The following KAT14 variants were observed in gnomAD, a reference collection of about 807,000 sequenced individuals.
KAT14 encodes lysine acetyltransferase 14, also known as cysteine-rich protein 2-binding protein.
A neutral mutation model predicts 78.4 loss-of-function variants in KAT14; 66 were observed. The observed-to-expected ratio is 0.84, with a 90% CI of 0.69 to 1.03. KAT14 has a LOEUF of 1.03. Among genes scored for constraint, KAT14 ranks in the 50% least tolerant of loss-of-function variants. The pLI, the probability that KAT14 is intolerant of heterozygous loss-of-function variation, is 0.00. For missense variants in KAT14, 870 were observed against 972.5 expected (o/e 0.89, Z 1.40); for synonymous variants, 344 against 359.4 (o/e 0.96, Z 0.48).
intron 7 of KAT14, among the ~76,000 whole-genome samples, chr20:18,181,087 G>T (rs1186129080): frequency 6.6e-6 from 1 of 152,130 alleles, no homozygotes; most frequent in Non-Finnish European, 1.5e-5. Context: ...ACAAAGTGAA[G>T]CCTAGAGAAG....
chr20:18,157,936 C>G (rs929945783), intron 4 of KAT14, among the ~76,000 whole-genome samples: 1 of 152,098 alleles, frequency 6.6e-6, no homozygotes, highest in Non-Finnish European at 1.5e-5. Context: ...TTCTCTCCAT[C>G]TCAGATAGTG....
chr20:18,144,964 C>T, intron 2 of KAT14: 1 of 674,784 alleles, frequency 1.5e-6, no homozygotes, highest in Non-Finnish European at 2.0e-6. Context: ...AGGAATGTGA[C>T]AATTGGGAAA....
chr20:18,187,232 A>G, intron 10 of KAT14, 54 bp from the exon 11 acceptor site: 2 of 1,538,722 alleles, frequency 1.3e-6, no homozygotes, highest in South Asian at 1.3e-5. Context: ...TTACCTACTC[A>G]TTTTCCCTCA....
At chr20:18,158,183 G>A (rs1232610379) in intron 4 of KAT14, among the ~76,000 whole-genome samples, 3 of 152,156 alleles carry the variant, frequency 2.0e-5, no homozygotes, top group African/African-American at 4.8e-5. Context: ...TGATCCACCC[G>A]CCTCGGCCTC....
chr20:18,140,996 C>T (rs1056487059), intron 1 of KAT14, among the ~76,000 whole-genome samples: 18 of 142,614 alleles, frequency 1.3e-4, no homozygotes, highest in Non-Finnish European at 2.4e-4. Flanking sequence ...TAGCTGGGAA[C>T]ACAGGCACAC....
At chr20:18,154,844 GGTA>G (rs2038168350) in intron 4 of KAT14, among the ~76,000 whole-genome samples, 1 of 152,072 alleles carries the variant, frequency 6.6e-6, no homozygotes, top group Non-Finnish European at 1.5e-5. Flanking sequence ...AGTAAAATAT[GGTA>G]GTAGAAGAAA....
intron 4 of KAT14, among the ~76,000 whole-genome samples, chr20:18,155,706 C>G (rs1297926350): frequency 6.6e-6 from 1 of 152,188 alleles, no homozygotes; most frequent in Non-Finnish European, 1.5e-5. Context: ...CCTCATGCCT[C>G]TTAGGATGAC....
Position 18,137,937 on chromosome 20 carries a change from C to A in KAT14, c.-568C>A. 4 of 1,478,260 alleles carry A rather than the reference C, an allele frequency of 2.7e-6. No individual in the cohort carries two copies. Among genetic ancestry groups the A allele is most frequent in the South Asian group, 1.3e-5 (1 of 78,500 alleles). 91.6% of individuals were successfully genotyped at this position (1,478,260 alleles called of 1,614,324 possible). A position where few individuals can be genotyped will look rare whatever the true frequency, so the allele number is the denominator to read the frequency against. Reference sequence around the variant, plus strand: ...CCTCGGGCGGGCGGGAGAGAGAGGCCGCGGCCGCCAGCGTGGGGATGTCTA... The same window carrying A: ...CCTCGGGCGGGCGGGAGAGAGAGGCAGCGGCCGCCAGCGTGGGGATGTCTA... On this transcript the variant is annotated 5_prime_UTR_variant, in exon 1 of 11. Transcript: ENST00000688188.
At chr20:18,144,797 G>A (rs1205218) in intron 2 of KAT14, among the ~76,000 whole-genome samples, 149,705 of 152,340 alleles carry the variant, frequency 0.98, 73,562 homozygotes, top group East Asian at 1. Flanking sequence ...GTGATCACCT[G>A]TTTTCTATGC....
chr20:18,138,505 G>T, intron 1 of KAT14: 1 of 974,004 alleles, frequency 1.0e-6, no homozygotes, highest in Non-Finnish European at 1.2e-6. Context: ...CTGGCCCAAG[G>T]TTGGGGTTAA....
chr20:18,147,371 T>G (rs2037866291), intron 3 of KAT14, among the ~76,000 whole-genome samples: 1 of 152,212 alleles, frequency 6.6e-6, no homozygotes, highest in Admixed American at 6.5e-5. Context: ...ATTAATAGAT[T>G]ATTGTGATAT....
rs368339859 is a variant in KAT14, at chr20:18,159,214, A to G, written c.631A>G (p.Thr211Ala). The G allele has an allele frequency of 8.7e-6, 14 of 1,614,090 alleles. No homozygotes were observed. In the South Asian group the frequency reaches 9.9e-5, roughly 11 times the overall value. Residue 211 changes from threonine (T) to alanine (A), a missense_variant, in exon 5 of 11, where the codon ACG becomes GCG. Thr to Ala is a moderately conservative substitution (Grantham distance 58). Coordinates refer to ENST00000688188, the MANE Select transcript of KAT14 (RefSeq NM_001392073.1). ...GAAACTTGTTCATAACAAGCCCCCA[A>G]CGATGAAACCTGAAGGAGAGAAGTT... ...WWKLVHNKPP[T>A]MKPEGEKLSA...
chr20:18,177,264 C>T (rs1348261410), intron 7 of KAT14, among the ~76,000 whole-genome samples: 1 of 152,144 alleles, frequency 6.6e-6, no homozygotes, highest in Non-Finnish European at 1.5e-5. Context: ...CTCTCTTCCT[C>T]CAGAGTCCAT....
At chr20:18,138,328 C>T in intron 1 of KAT14, 1 of 1,139,522 alleles carries the variant, frequency 8.8e-7, no homozygotes, top group Non-Finnish European at 1.1e-6. Flanking sequence ...GGGCCTTGCT[C>T]CGCACAGGCA....
chr20:18,137,888 G>T lies in KAT14; in HGVS notation c.-617G>T. The T allele has an allele frequency of 2.1e-6, 3 of 1,411,850 alleles. No individual in the cohort carries two copies. In the South Asian group the frequency reaches 4.3e-5, roughly 20 times the overall value. 87.5% of individuals were successfully genotyped at this position (1,411,850 alleles called of 1,614,324 possible). On this transcript the variant is annotated 5_prime_UTR_variant, in exon 1 of 11. Coordinates refer to ENST00000688188, the MANE Select transcript of KAT14 (RefSeq NM_001392073.1). ...GAGCCTGGGCAGTACAGGCGGCGGT[G>T]CGCACTCTGCGGCGGCCTCTGCGCC...
chr20:18,171,884 A>C (rs896497248), intron 7 of KAT14, among the ~76,000 whole-genome samples: 2 of 152,144 alleles, frequency 1.3e-5, no homozygotes, highest in African/African-American at 4.8e-5. Context: ...TTATTTTAAG[A>C]AATTGCCCCA....
At position 18,184,675 on chromosome 20, in the gene KAT14, C is replaced by T. The variant is rs2039393952; in HGVS notation, c.2055C>T (p.Ala685=). The T allele has an allele frequency of 6.2e-7, 1 of 1,613,708 alleles. No individual in the cohort carries two copies. Among genetic ancestry groups the T allele is most frequent in the Non-Finnish European group, 8.5e-7 (1 of 1,179,930 alleles). Residue 685 remains alanine (A), a synonymous_variant, in exon 10 of 11, where the codon GCC becomes GCT. Transcript: ENST00000688188. ...TTCTTTATAAAAAAGTCATCATTGC[C>T]TTTGGCTTCATGGTTCCTGATGTGA... ...VVVLYKKVII[A]FGFMVPDVKY...
In KAT14 at chr20:18,178,777, G is replaced by A. The variant is rs140635776; in HGVS notation, c.1669-2933G>A. 2.3e-3 allele frequency among the ~76,000 whole-genome samples: 355 copies of A among 152,138 alleles called. 2 individuals carry two copies. The highest frequency in any genetic ancestry group is 8.2e-3 in the African/African-American group (341 of 41,516). ...CACCCCTGGCCTCTCCAAATCTCAT[G>A]CCCTCACACTAAAAAACCAATCATG... On this transcript the variant is annotated intron_variant, in intron 7 of 10. Transcript: ENST00000688188.
At chr20:18,182,896 A>G (rs1053077429) in intron 8 of KAT14, among the ~76,000 whole-genome samples, 15 of 152,162 alleles carry the variant, frequency 9.9e-5, no homozygotes, top group Non-Finnish European at 1.9e-4. Context: ...GAAGGCACCT[A>G]GCACAGTCCC....
Sources: gnomAD v4.1 joint callset for allele counts (sites outside exome capture counted in the v4.1 genomes callset) on GRCh38, gnomAD v4.1.1 for gene constraint, MANE v1.5 for transcripts, NCBI Gene and HGNC (gene_info 2026-07-23, HGNC 2026-07-21) for gene names.